Variants in TARM1 observed in about 807,000 individuals in gnomAD.
The protein encoded by TARM1 is T cell-interacting, activating receptor on myeloid cells 1, also known as T-cell-interacting, activating receptor on myeloid cells protein 1.
Under a neutral mutation model 30.4 loss-of-function variants are expected in TARM1, and 24 were observed. The ratio of observed to expected loss-of-function variants is 0.79; its 90% CI spans 0.57 to 1.11. TARM1 has a LOEUF of 1.11. TARM1 is among the 50% of genes least tolerant of loss of function. The pLI is 0.00. For synonymous variants in TARM1, 129 were observed against 138.9 expected (o/e 0.93, Z 0.50); for missense variants, 323 against 332.8 (o/e 0.97, Z 0.23).
chr19:54,070,142 G>A lies in TARM1; in HGVS notation c.677C>T (p.Ser226Leu), dbSNP rs1261633651. The change falls in exon 5 of 5, where the codon TCG becomes TTG. Residue 226 changes from serine to leucine, a missense_variant. Transcript: ENST00000432826. Reference protein sequence around the residue: ...ILVTVPPGTTSSNYSLGNFVR... With the variant: ...ILVTVPPGTTLSNYSLGNFVR... Reference sequence around the variant, plus strand: ...GAAGTTACCCAGGGAGTAGTTGCTCGATGTGGTACCTGGGGGAACTGAAAG... The same window carrying A: ...GAAGTTACCCAGGGAGTAGTTGCTCAATGTGGTACCTGGGGGAACTGAAAG... The A allele has an allele frequency of 7.9e-5, 122 of 1,551,636 alleles. No homozygotes were observed. The highest frequency in any genetic ancestry group is 1.2e-4 in the African/African-American group (9 of 73,172).
chr19:54,075,576 C>T (rs1056140685), intron 2 of TARM1, among the ~76,000 whole-genome samples: 4 of 151,286 alleles, frequency 2.6e-5, no homozygotes, highest in African/African-American at 9.7e-5. Context: ...AGGCAGATCA[C>T]GAGGTCATGA....
intron 4 of TARM1, among the ~76,000 whole-genome samples, chr19:54,072,393 G>T (rs1158725726): frequency 6.6e-6 from 1 of 152,102 alleles, no homozygotes; most frequent in African/African-American, 2.4e-5. Context: ...ACCCAGTAAG[G>T]CAGGAAACAA....
intron 1 of TARM1, among the ~76,000 whole-genome samples, chr19:54,079,280 A>AG (rs1276422638): frequency 4.8e-4 from 72 of 151,524 alleles, no homozygotes; most frequent in African/African-American, 1.6e-3. Context: ...AAAAAAAAAA[A>AG]AAAGAAATTA....
chr19:54,080,558 AAG>A (rs1479685027), intron 1 of TARM1, among the ~76,000 whole-genome samples: 3 of 149,716 alleles, frequency 2.0e-5, no homozygotes, highest in African/African-American at 7.4e-5. Flanking sequence ...GAGAAAAAGA[AAG>A]AAAGGAAGGA....
At chr19:54,073,349 C>T (rs1177462463) in intron 4 of TARM1, among the ~76,000 whole-genome samples, 1 of 117,966 alleles carries the variant, frequency 8.5e-6, no homozygotes, top group Non-Finnish European at 1.6e-5. Flanking sequence ...GTGGAGGTTG[C>T]AGTGAGCGAA....
chr19:54,074,681 A>T (rs1197914382), intron 3 of TARM1, 143 bp downstream of exon 3: 3 of 874,428 alleles, frequency 3.4e-6, no homozygotes, highest in Non-Finnish European at 5.2e-6. Context: ...TAAAACCAAC[A>T]TATGCAATTT....
At position 54,075,896 on chromosome 19, in the gene TARM1, G is replaced by A. The variant is rs2071938552; in HGVS notation, c.57C>T (p.Asp19=). The A allele has an allele frequency of 6.4e-7, 1 of 1,551,236 alleles. No homozygotes were observed. Among genetic ancestry groups the A allele is most frequent in the Non-Finnish European group, 8.7e-7 (1 of 1,146,986 alleles). ...LCFRLCVGQG[D]TRGDGSLPKP... is the part of the protein sequence containing the mutation. The stretch of plus-strand genomic sequence containing the variant: ...AGAAACACTCACCATCTCCCCTTGT[G>A]TCTCCTTGGCCCACGCACAGTCCTG... The change falls in exon 2 of 5, where the codon GAC becomes GAT. Residue 19 remains aspartate (D), a synonymous_variant. Transcript: ENST00000432826.
intron 1 of TARM1, among the ~76,000 whole-genome samples, chr19:54,078,884 A>C (rs1337782391): frequency 6.6e-6 from 1 of 152,112 alleles, no homozygotes; most frequent in Non-Finnish European, 1.5e-5. Flanking sequence ...TATTATGCTG[A>C]GTAAACTAAG....
At chr19:54,076,343 TTTCTTTCA>T (rs2071954862) in intron 1 of TARM1, 1 of 843,292 alleles carries the variant, frequency 1.2e-6, no homozygotes, top group Non-Finnish European at 1.8e-6. Flanking sequence ...TCTTTCTTTC[TTTCTTTCA>T]TTCATTCTTT....
chr19:54,073,782 C>T lies in TARM1; in HGVS notation c.658+138G>A, dbSNP rs1014421476. 21 of 1,146,414 alleles carry T rather than the reference C, an allele frequency of 1.8e-5. No individual in the cohort carries two copies. The African/African-American group carries it at 3.1e-4, about 17-fold the overall frequency. The allele number at this position is 1,146,414 out of a possible 1,614,324, so 71.0% of individuals were successfully genotyped here. A position where few individuals can be genotyped will look rare whatever the true frequency, so the allele number is the denominator to read the frequency against. On this transcript the variant is annotated intron_variant, in intron 4 of 4. Coordinates refer to ENST00000432826, the MANE Select transcript of TARM1 (RefSeq NM_001135686.3). ...TGCTGGGATGACAGGCATGAGCCAC[C>T]ACGCCAGGCCAGAAAGGGAAGATTT... is the stretch of plus-strand genomic sequence containing the variant.
At position 54,075,024 on chromosome 19, in the gene TARM1, C is replaced by G; in HGVS notation, c.161G>C (p.Arg54Thr). 6.4e-7 allele frequency: 1 copy of G among 1,551,566 alleles called. No homozygotes were observed. The highest frequency in any genetic ancestry group is 1.2e-5 in the South Asian group (1 of 84,044). Residue 54 changes from arginine (R) to threonine (T), a missense_variant, in exon 3 of 5, where the codon AGA becomes ACA. Physicochemically the swap from Arg to Thr is moderately conservative, Grantham distance 71. Transcript: ENST00000432826. ...NVTLRCWTPA[R>T]GVSFVLRKGG... ...CTTCCTGAGAACAAAGCTCACACCTCTGGCAGGAGTCCAACATCGCAGCGT... is the reference window on the plus strand; with the variant it reads ...CTTCCTGAGAACAAAGCTCACACCTGTGGCAGGAGTCCAACATCGCAGCGT...
chr19:54,071,785 T>C (rs1263254992), intron 4 of TARM1, among the ~76,000 whole-genome samples: 1 of 151,900 alleles, frequency 6.6e-6, no homozygotes, highest in African/African-American at 2.4e-5. Context: ...GAGCTCAGAT[T>C]GTGCCACTAC....
intron 4 of TARM1, among the ~76,000 whole-genome samples, chr19:54,071,018 C>T (rs1243596717): frequency 5.3e-5 from 8 of 152,082 alleles, no homozygotes; most frequent in Admixed American, 3.3e-4. Flanking sequence ...AGTGCAGCGA[C>T]GCAGTCTCGG....
At position 54,076,706 on chromosome 19, in the gene TARM1, C is replaced by T. The variant is rs1412165870; in HGVS notation, c.35-788G>A. ...TTCATTTTATTATTGTGTTTTGAGA[C>T]AGGGTCTCTCTCTGTTGCCCAGGTT... On this transcript the variant is annotated intron_variant, in intron 1 of 4. Coordinates refer to ENST00000432826, the MANE Select transcript of TARM1 (RefSeq NM_001135686.3). Among the ~76,000 whole-genome samples the T allele has an allele frequency of 2.0e-5, 3 of 152,132 alleles. No individual in the cohort carries two copies. The East Asian group carries it at 5.8e-4, about 29-fold the overall frequency.
At chr19:54,080,433 G>A (rs1333271216) in intron 1 of TARM1, among the ~76,000 whole-genome samples, 2 of 141,216 alleles carry the variant, frequency 1.4e-5, no homozygotes, top group Admixed American at 7.3e-5. Flanking sequence ...ACTCCAGCCT[G>A]GGCGACAGAG....
chr19:54,075,851 G>A (rs1163195760), intron 2 of TARM1, 32 bp downstream of exon 2: 3 of 1,549,658 alleles, frequency 1.9e-6, no homozygotes, highest in African/African-American at 2.7e-5. Context: ...GGGATGACAG[G>A]CCAAGGAGGG....
Position 54,074,091 on chromosome 19 carries a change from C to T in TARM1, c.487G>A (p.Ala163Thr), listed in dbSNP as rs759874891. ...AGCTGGATGGGTGATGGCGTCCCTG[C>T]CTTCAGTAGAGCGAACATGATAGGC... ...FVPIMFALLKAGTPSPIQLQS... is the reference protein window; with the variant it reads ...FVPIMFALLKTGTPSPIQLQS... Residue 163 changes from alanine (A) to threonine (T), a missense_variant, in exon 4 of 5, where the codon GCA (alanine) becomes ACA (threonine). Ala to Thr is a moderately conservative substitution (Grantham distance 58). Transcript: ENST00000432826. 1 of 1,551,586 alleles carries T rather than the reference C, an allele frequency of 6.4e-7. No homozygotes were observed. Among genetic ancestry groups the T allele is most frequent in the Non-Finnish European group, 8.7e-7 (1 of 1,147,012 alleles).
At chr19:54,077,653 T>G (rs1475028507) in intron 1 of TARM1, among the ~76,000 whole-genome samples, 21 of 151,498 alleles carry the variant, frequency 1.4e-4, no homozygotes, top group Admixed American at 1.3e-3. Context: ...CCCAAAATGT[T>G]CAAACAACGT....
At chr19:54,077,558 G>T (rs2071987480) in intron 1 of TARM1, among the ~76,000 whole-genome samples, 1 of 152,002 alleles carries the variant, frequency 6.6e-6, no homozygotes, top group African/African-American at 2.4e-5. Context: ...AAAAGGAGAA[G>T]TTACCAGGCG....
Sources: gnomAD v4.1 joint callset for allele counts (sites outside exome capture counted in the v4.1 genomes callset) on GRCh38, gnomAD v4.1.1 for gene constraint, MANE v1.5 for transcripts, NCBI Gene and HGNC (gene_info 2026-07-23, HGNC 2026-07-21) for gene names.